Variants in CAMK2D observed in about 807,000 individuals in gnomAD.
CAMK2D encodes calcium/calmodulin dependent protein kinase II delta.
In CAMK2D, 37 loss-of-function variants were observed where a neutral mutation model predicts 84.0. The ratio of observed to expected loss-of-function variants is 0.44; its 90% CI spans 0.34 to 0.58. The LOEUF is 0.58. Ranked by LOEUF, CAMK2D falls within the 20% of genes least tolerant of loss-of-function variation. CAMK2D has a pLI of 0.02. For synonymous variants in CAMK2D, 202 were observed against 212.5 expected (o/e 0.95, Z 0.43); for missense variants, 448 against 652.5 (o/e 0.69, Z 3.41).
chr4:113,576,590 C>T (rs574278374), intron 4 of CAMK2D, among the ~76,000 whole-genome samples: 3 of 151,682 alleles, frequency 2.0e-5, no homozygotes, highest in Admixed American at 1.3e-4. Context: ...AAAACAAACT[C>T]GTATGATTAT....
chr4:113,603,184 T>C (rs1193895632), intron 4 of CAMK2D, among the ~76,000 whole-genome samples: 1 of 152,206 alleles, frequency 6.6e-6, no homozygotes, highest in Non-Finnish European at 1.5e-5. Flanking sequence ...TTATTTGCTG[T>C]AAAGATGACT....
intron 6 of CAMK2D, among the ~76,000 whole-genome samples, chr4:113,546,605 C>G (rs953687712): frequency 6.6e-6 from 1 of 152,124 alleles, no homozygotes; most frequent in East Asian, 1.9e-4. Context: ...CCAGAAAAGT[C>G]TGCACGTGAG....
At chr4:113,695,517 C>G (rs1176277444) in intron 2 of CAMK2D, among the ~76,000 whole-genome samples, 3 of 152,046 alleles carry the variant, frequency 2.0e-5, no homozygotes, top group Non-Finnish European at 4.4e-5. Context: ...CAGTAAATGA[C>G]AATTCCAGCC....
At chr4:113,527,103 T>C (rs960570547) in intron 8 of CAMK2D, among the ~76,000 whole-genome samples, 1 of 152,064 alleles carries the variant, frequency 6.6e-6, no homozygotes, top group Non-Finnish European at 1.5e-5. Context: ...GCAAACTTCA[T>C]TGTTGTCTTA....
At chr4:113,529,155 G>A (rs189462074) in intron 8 of CAMK2D, among the ~76,000 whole-genome samples, 1 of 152,240 alleles carries the variant, frequency 6.6e-6, no homozygotes, top group Admixed American at 6.5e-5. Context: ...TAGGTAAAAC[G>A]TAAAGACTGA....
intron 3 of CAMK2D, among the ~76,000 whole-genome samples, chr4:113,611,710 T>C (rs542782015): frequency 6.6e-6 from 1 of 152,232 alleles, no homozygotes; most frequent in South Asian, 2.1e-4. Flanking sequence ...AGAAATCAAT[T>C]ATTTTTTGAA....
intron 5 of CAMK2D, chr4:113,548,645 C>T (rs1223449289): frequency 2.2e-6 from 3 of 1,361,976 alleles, no homozygotes; most frequent in East Asian, 2.3e-5. Flanking sequence ...TTTATGGACT[C>T]CATATACTGA....
At chr4:113,625,880 A>C (rs541259567) in intron 3 of CAMK2D, among the ~76,000 whole-genome samples, 1 of 151,906 alleles carries the variant, frequency 6.6e-6, no homozygotes, top group East Asian at 1.9e-4. Flanking sequence ...GCATGTAAAA[A>C]GTCAGGTGAT....
rs116016548 is a variant in CAMK2D at position 113,456,108 on chromosome 4, T to C, written c.1536-287A>G. On this transcript the variant is annotated intron_variant, in intron 19 of 20. Coordinates refer to ENST00000511664, the MANE Select transcript of CAMK2D (RefSeq NM_001321571.2). ...CAGCCTATTGTTTGGTTTGGTTTGA[T>C]TTTTGTCCCTGTTGACCCACTTTTT... 5.3e-3 allele frequency among the ~76,000 whole-genome samples: 804 copies of C among 152,320 alleles called. 7 individuals carry two copies. Among genetic ancestry groups the C allele is most frequent in the African/African-American group, 0.018 (751 of 41,570 alleles).
At chr4:113,733,066 TTGAAGAGAAAGGTGAGGTAG>T (rs1435127479) in intron 2 of CAMK2D, among the ~76,000 whole-genome samples, 8 of 152,110 alleles carry the variant, frequency 5.3e-5, no homozygotes, top group African/African-American at 1.7e-4. Flanking sequence ...TGGAGAAGTT[TTGAAGAGAAAGGTGAGGTAG>T]ACTAGTGGAG....
intron 3 of CAMK2D, among the ~76,000 whole-genome samples, chr4:113,622,854 C>T (rs2099051941): frequency 1.3e-5 from 2 of 152,304 alleles, no homozygotes; most frequent in South Asian, 2.1e-4. Flanking sequence ...CACTGTTTAA[C>T]TGACTCACCT....
chr4:113,455,691 A>T, intron 20 of CAMK2D, 35 bp downstream of exon 20: 1 of 1,159,162 alleles, frequency 8.6e-7, no homozygotes, highest in Non-Finnish European at 1.3e-6. Context: ...ATTCAGCTCC[A>T]GTCACAAAGT....
At chr4:113,664,334 T>A (rs1655386446) in intron 2 of CAMK2D, among the ~76,000 whole-genome samples, 2 of 152,176 alleles carry the variant, frequency 1.3e-5, no homozygotes, top group South Asian at 4.1e-4. Context: ...AATCTCACAG[T>A]TTCTGTGGGT....
intron 2 of CAMK2D, among the ~76,000 whole-genome samples, chr4:113,739,826 C>T (rs1165976232): frequency 1.3e-5 from 2 of 151,882 alleles, no homozygotes; most frequent in African/African-American, 2.4e-5. Flanking sequence ...TCAGGGGGTA[C>T]ATGTTCAAGT....
rs2099641210 is a variant in CAMK2D at position 113,761,443 on chromosome 4, G to C, written c.-375C>G. On this transcript the variant is annotated 5_prime_UTR_variant, in exon 1 of 21. Coordinates refer to ENST00000511664, the MANE Select transcript of CAMK2D (RefSeq NM_001321571.2). The stretch of plus-strand genomic sequence containing the variant: ...CCAGGCACGGGACGAGTGGCAAGCA[G>C]TTGCGAAACGATCCGCACTGGAGCA... 8.5e-7 allele frequency: 1 copy of C among 1,176,346 alleles called. No individual in the cohort carries two copies. Among genetic ancestry groups the C allele is most frequent in the Admixed American group, 3.9e-5 (1 of 25,670 alleles). 72.9% of individuals were successfully genotyped at this position (1,176,346 alleles called of 1,614,324 possible). A position where few individuals can be genotyped will look rare whatever the true frequency, so the allele number is the denominator to read the frequency against.
At chr4:113,501,243 G>A (rs1357952032) in intron 15 of CAMK2D, among the ~76,000 whole-genome samples, 1 of 147,280 alleles carries the variant, frequency 6.8e-6, no homozygotes, top group East Asian at 2.1e-4. Context: ...CAAATTAAGT[G>A]GAAGATTGTT....
chr4:113,510,809 T>C (rs1317377130), intron 12 of CAMK2D, among the ~76,000 whole-genome samples: 4 of 152,196 alleles, frequency 2.6e-5, no homozygotes, highest in Non-Finnish European at 5.9e-5. Flanking sequence ...CATATTGGTA[T>C]ATTTTTAAAT....
intron 2 of CAMK2D, among the ~76,000 whole-genome samples, chr4:113,685,964 T>A (rs2099358514): frequency 6.6e-6 from 1 of 151,830 alleles, no homozygotes; most frequent in African/African-American, 2.4e-5. Flanking sequence ...CTCGGGAGGC[T>A]GAGGCATGAA....
intron 2 of CAMK2D, among the ~76,000 whole-genome samples, chr4:113,693,066 A>C (rs752673236): frequency 1.3e-5 from 2 of 152,176 alleles, no homozygotes; most frequent in Non-Finnish European, 2.9e-5. Flanking sequence ...AAATAAAACA[A>C]GTCTACAGCA....
Sources: allele counts gnomAD v4.1 joint callset (sites outside exome capture counted in the v4.1 genomes callset), GRCh38; gene constraint gnomAD v4.1.1; transcripts MANE v1.5; gene names NCBI Gene and HGNC (gene_info 2026-07-23, HGNC 2026-07-21).